TMEM132C: variants seen among roughly 807,000 people sequenced by gnomAD.
TMEM132C encodes protein phosphatase 1, regulatory subunit 152.
In TMEM132C, 29 loss-of-function variants were observed where a neutral mutation model predicts 61.4. That is an observed-to-expected ratio of 0.47 (90% CI 0.35 to 0.64). TMEM132C has a LOEUF of 0.64. Ranked by LOEUF, TMEM132C falls within the 30% of genes least tolerant of loss-of-function variation. The pLI is 0.00. For synonymous variants in TMEM132C, 656 were observed against 633.1 expected, an observed-to-expected ratio of 1.04 and a Z score of -0.54; for missense variants, 1,408 against 1,476.9, an observed-to-expected ratio of 0.95 and a Z score of 0.76.
intron 2 of TMEM132C, among the ~76,000 whole-genome samples, chr12:128,427,771 T>C (rs1869245889): frequency 6.6e-6 from 1 of 152,308 alleles, no homozygotes; most frequent in South Asian, 2.1e-4. Flanking sequence ...CACTCCTCAG[T>C]ACAATGTGCA....
At chr12:128,660,129 G>A (rs76116542) in intron 4 of TMEM132C, among the ~76,000 whole-genome samples, 2,482 of 152,244 alleles carry the variant, frequency 0.016, 43 homozygotes, top group African/African-American at 0.04. Flanking sequence ...TGCTGCTGTC[G>A]ACACCAAAGG....
rs868368010 is a variant in TMEM132C at position 128,363,470 on chromosome 12, C to T, written c.86-51262C>T. ...GTGTTGTTCCAGGCTTTGACCCAAT[C>T]ACAGTAAAGCTAACAGAGTCAGTGT... On this transcript the variant is annotated intron_variant, in intron 1 of 8. Coordinates refer to ENST00000435159, the MANE Select transcript of TMEM132C (RefSeq NM_001136103.3). Among the ~76,000 whole-genome samples the T allele has an allele frequency of 2.6e-5, 4 of 152,248 alleles. No individual in the cohort carries two copies. In the South Asian group the frequency reaches 6.2e-4, roughly 24 times the overall value.
intron 2 of TMEM132C, among the ~76,000 whole-genome samples, chr12:128,457,318 A>C (rs1002199303): frequency 1.3e-5 from 2 of 151,796 alleles, no homozygotes; most frequent in Admixed American, 6.6e-5. Context: ...AAAAAAAAAA[A>C]AAAACAGCGC....
chr12:128,612,413 T>A (rs1876665915), intron 3 of TMEM132C, among the ~76,000 whole-genome samples: 2 of 152,152 alleles, frequency 1.3e-5, no homozygotes, highest in South Asian at 4.1e-4. Context: ...TTTTTTTCCA[T>A]TCTGAAACCA....
intron 1 of TMEM132C, among the ~76,000 whole-genome samples, chr12:128,333,393 T>C (rs988785053): frequency 6.6e-6 from 1 of 152,142 alleles, no homozygotes; most frequent in Admixed American, 6.5e-5. Context: ...AGAGTATGTA[T>C]ATGCATGTAA....
rs568875201 is a variant in TMEM132C at position 128,697,204 on chromosome 12, G to A, written c.1930-20G>A. 4.0e-6 allele frequency: 6 copies of A among 1,485,476 alleles called. No homozygotes were observed. Among genetic ancestry groups the A allele is most frequent in the Non-Finnish European group, 5.4e-6 (6 of 1,106,556 alleles). The allele number at this position is 1,485,476 out of a possible 1,614,324, so 92.0% of individuals were successfully genotyped here. ...GAAACAGGTGTGATGGATTTTCCTT[G>A]TGTCCTGCCAATCCCACAGGTGTTG... On this transcript the variant is annotated intron_variant, in intron 7 of 8. Transcript: ENST00000435159.
chr12:128,297,591 G>A (rs1566047089), intron 1 of TMEM132C, among the ~76,000 whole-genome samples: 1 of 152,068 alleles, frequency 6.6e-6, no homozygotes, highest in Non-Finnish European at 1.5e-5. Flanking sequence ...GGCTTTGAAG[G>A]CACTCGACTT....
rs1420142464 is a variant in TMEM132C at position 128,630,888 on chromosome 12, C to T, written c.1305+14553C>T. Among the ~76,000 whole-genome samples the T allele has an allele frequency of 6.6e-6, 1 of 152,038 alleles. No homozygotes were observed. The highest frequency in any genetic ancestry group is 1.5e-5 in the Non-Finnish European group (1 of 68,008). On this transcript the variant is annotated intron_variant, in intron 4 of 8. Transcript: ENST00000435159. The surrounding 1 kb of genome is among the most constrained non-coding windows in gnomAD (Gnocchi z 4.3). The stretch of plus-strand genomic sequence containing the variant: ...CTCTACTAAAAATACAAAAATTAGT[C>T]GGGCATGGTGGTATGTGCCTGTATT...
chr12:128,615,898 C>G (rs918760645), intron 3 of TMEM132C, among the ~76,000 whole-genome samples: 19 of 152,184 alleles, frequency 1.2e-4, no homozygotes, highest in African/African-American at 4.6e-4. Flanking sequence ...ATTCCAAGGC[C>G]TCATCAACAC....
chr12:128,281,709 G>A (rs923751646), intron 1 of TMEM132C, among the ~76,000 whole-genome samples: 1 of 152,140 alleles, frequency 6.6e-6, no homozygotes, highest in African/African-American at 2.4e-5. Flanking sequence ...GAAAGGAGAA[G>A]CTGGAATATT....
chr12:128,592,751 A>AC (rs949626226), intron 3 of TMEM132C, among the ~76,000 whole-genome samples: 1 of 151,982 alleles, frequency 6.6e-6, no homozygotes, highest in African/African-American at 2.4e-5. Flanking sequence ...CATAGCGAGG[A>AC]CCCCCAGGCT....
At chr12:128,590,091 C>T (rs756388331) in intron 3 of TMEM132C, among the ~76,000 whole-genome samples, 27 of 152,312 alleles carry the variant, frequency 1.8e-4, no homozygotes, top group African/African-American at 2.6e-4. Context: ...GGGAGATTGA[C>T]GAAGGCCTAC....
chr12:128,536,567 T>C (rs1366762321), intron 2 of TMEM132C, among the ~76,000 whole-genome samples: 1 of 151,810 alleles, frequency 6.6e-6, no homozygotes, highest in Non-Finnish European at 1.5e-5. Flanking sequence ...GCTGGCATGC[T>C]ATTGCTGCTA....
chr12:128,600,435 C>A (rs558935264), intron 3 of TMEM132C, among the ~76,000 whole-genome samples: 19 of 152,322 alleles, frequency 1.2e-4, no homozygotes, highest in African/African-American at 4.3e-4. Context: ...GCAATTAAGC[C>A]TCTTTCCTTT....
chr12:128,476,491 G>T (rs774229459), intron 2 of TMEM132C, among the ~76,000 whole-genome samples: 27 of 152,228 alleles, frequency 1.8e-4, no homozygotes, highest in Non-Finnish European at 2.4e-4. Context: ...CTCCAGCCTG[G>T]AAGTGGAGCA....
chr12:128,478,795 T>G (rs1390210547), intron 2 of TMEM132C, among the ~76,000 whole-genome samples: 4 of 152,194 alleles, frequency 2.6e-5, no homozygotes, highest in Non-Finnish European at 5.9e-5. Context: ...TAATCCTGTC[T>G]ATCCAGCACT....
intron 3 of TMEM132C, among the ~76,000 whole-genome samples, chr12:128,598,406 A>T (rs1408422858): frequency 6.6e-6 from 1 of 152,164 alleles, no homozygotes; most frequent in Non-Finnish European, 1.5e-5. Flanking sequence ...CCTGCACTCC[A>T]GCCAGAGCAA....
At chr12:128,582,104 A>G (rs556248397) in intron 3 of TMEM132C, among the ~76,000 whole-genome samples, 1 of 152,356 alleles carries the variant, frequency 6.6e-6, no homozygotes, top group South Asian at 2.1e-4. Context: ...GGAAGTTGAA[A>G]ATATTTGCAA....
chr12:128,507,773 G>A (rs1872425102), intron 2 of TMEM132C, among the ~76,000 whole-genome samples: 1 of 152,142 alleles, frequency 6.6e-6, no homozygotes, highest in Non-Finnish European at 1.5e-5. Flanking sequence ...AGGAGAAAGG[G>A]ACTCACTCCT....
Sources: allele counts gnomAD v4.1 joint callset (sites outside exome capture counted in the v4.1 genomes callset), GRCh38; gene constraint gnomAD v4.1.1; non-coding constraint Gnocchi (gnomAD v3.1); transcripts MANE v1.5; gene names NCBI Gene and HGNC (gene_info 2026-07-23, HGNC 2026-07-21).